Variants in TMEM74 observed in about 807,000 individuals in gnomAD.
TMEM74 encodes transmembrane protein 74.
TMEM74 carries 13 observed loss-of-function variants against 18.1 expected under a neutral mutation model. The observed-to-expected ratio is 0.72, with a 90% confidence interval of 0.47 to 1.14. The LOEUF (loss-of-function observed/expected upper bound fraction) is 1.14. Among genes scored for constraint, TMEM74 ranks in the 50% most tolerant of loss-of-function variants. The probability of loss-of-function intolerance (pLI) is 0.00; values close to 1 mark genes in which losing one functional copy is unlikely to be tolerated. For synonymous variants in TMEM74, 159 were observed against 146.6 expected (o/e 1.08, Z -0.61); for missense variants, 372 against 375.9 (o/e 0.99, Z 0.09).
chr8:108,613,500 A>G (rs935233043), intron 2 of TMEM74, among the ~76,000 whole-genome samples: 1 of 152,222 alleles, frequency 6.6e-6, no homozygotes, highest in Admixed American at 6.5e-5. Context: ...TAATCACGAA[A>G]TGGCTCTGGG....
At chr8:108,637,137 G>T (rs1033492642) in intron 2 of TMEM74, among the ~76,000 whole-genome samples, 1 of 152,074 alleles carries the variant, frequency 6.6e-6, no homozygotes, top group Non-Finnish European at 1.5e-5. Context: ...TAATTTGAGG[G>T]TTAGTCTATA....
At chr8:108,694,433 T>C (rs936649696) in intron 1 of TMEM74, among the ~76,000 whole-genome samples, 6 of 152,132 alleles carry the variant, frequency 3.9e-5, no homozygotes, top group African/African-American at 1.4e-4. Context: ...ATACAAAAGG[T>C]CACATATTGT....
downstream of TMEM74, among the ~76,000 whole-genome samples, chr8:108,775,459 A>T (rs563422897): frequency 3.3e-5 from 5 of 152,132 alleles, no homozygotes; most frequent in Non-Finnish European, 5.9e-5. Context: ...TTCTTTGGCA[A>T]TGTATTTCCC....
At position 108,784,853 on chromosome 8, in the gene TMEM74, T is replaced by C; in HGVS notation, c.246A>G (p.Pro82=). The C allele has an allele frequency of 6.2e-7, 1 of 1,614,174 alleles. No individual in the cohort carries two copies. The highest frequency in any genetic ancestry group is 8.5e-7 in the Non-Finnish European group (1 of 1,180,028). ...TGTTCCCTGAGTGGAGAAGTCCTGG[T>C]GGAAAGGCATCTGGCTGAAGAGTAC... ...QNSTLQPDAF[P]PGLLHSGNNQ... The change falls in exon 2 of 2, where the codon CCA becomes CCG. Residue 82 remains proline (P), a synonymous_variant. Coordinates refer to ENST00000297459, the MANE Select transcript of TMEM74 (RefSeq NM_153015.3).
At chr8:108,622,939 G>A (rs1165403337) in intron 2 of TMEM74, among the ~76,000 whole-genome samples, 1 of 151,974 alleles carries the variant, frequency 6.6e-6, no homozygotes, top group Non-Finnish European at 1.5e-5. Flanking sequence ...AAAGATTAAA[G>A]TAATATGGTA....
chr8:108,753,576 T>G (rs1813925719), intron 1 of TMEM74, among the ~76,000 whole-genome samples: 1 of 152,148 alleles, frequency 6.6e-6, no homozygotes, highest in South Asian at 2.1e-4. Context: ...TTTCATTTGT[T>G]GAGTTTCATA....
At chr8:108,637,312 C>T (rs896996092) in intron 2 of TMEM74, among the ~76,000 whole-genome samples, 1 of 152,022 alleles carries the variant, frequency 6.6e-6, no homozygotes, top group Non-Finnish European at 1.5e-5. Flanking sequence ...TTAAAATATG[C>T]AATCTCCTTT....
At chr8:108,613,230 A>T (rs1231258217) in intron 2 of TMEM74, among the ~76,000 whole-genome samples, 2 of 152,188 alleles carry the variant, frequency 1.3e-5, no homozygotes, top group Non-Finnish European at 2.9e-5. Context: ...CCATTGTGAA[A>T]TTTCCATACT....
intron 1 of TMEM74, among the ~76,000 whole-genome samples, 161 bp downstream of exon 1, chr8:108,787,315 T>G (rs926486139): frequency 6.6e-6 from 1 of 152,114 alleles, no homozygotes; most frequent in Non-Finnish European, 1.5e-5. Flanking sequence ...CCATTTCTGG[T>G]GAACTCTGCG....
intron 2 of TMEM74, among the ~76,000 whole-genome samples, chr8:108,623,883 A>C (rs1490674981): frequency 1.3e-5 from 2 of 152,054 alleles, no homozygotes; most frequent in Non-Finnish European, 2.9e-5. Context: ...CACCCTACAC[A>C]GGGCACTCCC....
At chr8:108,650,405 T>C (rs1415537195) in intron 2 of TMEM74, among the ~76,000 whole-genome samples, 1 of 152,208 alleles carries the variant, frequency 6.6e-6, no homozygotes, top group Non-Finnish European at 1.5e-5. Flanking sequence ...ACATTTTCTG[T>C]CCCAAACTAT....
chr8:108,697,568 C>A (rs1056174715), intron 1 of TMEM74, among the ~76,000 whole-genome samples: 9 of 152,232 alleles, frequency 5.9e-5, no homozygotes, highest in Admixed American at 4.6e-4. Context: ...CAGGCTCATG[C>A]CACCACACCT....
chr8:108,608,173 G>A (rs181468161), intron 3 of TMEM74, among the ~76,000 whole-genome samples: 3 of 151,850 alleles, frequency 2.0e-5, no homozygotes, highest in Admixed American at 6.6e-5. Flanking sequence ...ATGGTGGTGC[G>A]TGCCTGTAGT....
intron 2 of TMEM74, among the ~76,000 whole-genome samples, chr8:108,632,656 A>G (rs1464999730): frequency 6.6e-6 from 1 of 152,022 alleles, no homozygotes; most frequent in Non-Finnish European, 1.5e-5. Flanking sequence ...TTCAATGAAC[A>G]TTTATTGCTC....
At chr8:108,618,119 C>G (rs1812403998) in intron 2 of TMEM74, among the ~76,000 whole-genome samples, 1 of 152,202 alleles carries the variant, frequency 6.6e-6, no homozygotes, top group Non-Finnish European at 1.5e-5. Context: ...CACTGCCTCT[C>G]TCACAGCAAC....
chr8:108,707,034 A>AG (rs1201173769), intron 1 of TMEM74, among the ~76,000 whole-genome samples: 1 of 151,958 alleles, frequency 6.6e-6, no homozygotes, highest in Non-Finnish European at 1.5e-5. Flanking sequence ...TGTCCTTTGC[A>AG]GGGACACGGA....
chr8:108,698,601 T>G (rs758820469), intron 1 of TMEM74, among the ~76,000 whole-genome samples: 1 of 152,166 alleles, frequency 6.6e-6, no homozygotes, highest in Non-Finnish European at 1.5e-5. Flanking sequence ...CTATCCAAAA[T>G]GTAGCCTTCT....
chr8:108,730,100 A>G (rs1298454169), intron 1 of TMEM74, among the ~76,000 whole-genome samples: 2 of 152,176 alleles, frequency 1.3e-5, no homozygotes, highest in African/African-American at 4.8e-5. Flanking sequence ...TTGCCTTTTG[A>G]CTAAAAAGGA....
At chr8:108,706,207 C>T (rs1033213784) in intron 1 of TMEM74, among the ~76,000 whole-genome samples, 5 of 152,202 alleles carry the variant, frequency 3.3e-5, no homozygotes, top group Admixed American at 1.3e-4. Flanking sequence ...CAACACGTAT[C>T]TGTTTTAAAA....
Sources: gnomAD v4.1 joint callset for allele counts (sites outside exome capture counted in the v4.1 genomes callset) on GRCh38, gnomAD v4.1.1 for gene constraint, MANE v1.5 for transcripts, NCBI Gene and HGNC (gene_info 2026-07-23, HGNC 2026-07-21) for gene names.